The following NSG1 variants were observed in gnomAD, a reference collection of about 807,000 sequenced individuals.
NSG1 encodes the protein neuronal vesicle trafficking-associated protein 1.
NSG1 carries 9 observed loss-of-function variants against 19.3 expected under a neutral mutation model. That is an observed-to-expected ratio of 0.47 (90% CI 0.28 to 0.81). NSG1 has a LOEUF of 0.81. Among genes scored for constraint, NSG1 ranks in the 40% least tolerant of loss-of-function variants. NSG1 has a pLI of 0.11. For synonymous variants in NSG1, 104 were observed against 107.0 expected, an observed-to-expected ratio of 0.97 and a Z score of 0.17; for missense variants, 236 against 242.4, an observed-to-expected ratio of 0.97 and a Z score of 0.18.
At position 4,418,876 on chromosome 4, in the gene NSG1, C is replaced by T. The variant is rs761604706; in HGVS notation, c.*1441C>T. The stretch of plus-strand genomic sequence containing the variant: ...TGGTGTTAAGCTGTGGAAAATGACT[C>T]AAGAGCAATAAATCAGTGCCAAAGC... On this transcript the variant is annotated 3_prime_UTR_variant, in exon 5 of 5. Coordinates refer to ENST00000621129, the MANE Select transcript of NSG1 (RefSeq NM_014392.5). 5.9e-5 allele frequency: 9 copies of T among 152,238 alleles called. No individual in the cohort carries two copies. Among genetic ancestry groups the T allele is most frequent in the Non-Finnish European group, 1.0e-4 (7 of 68,050 alleles). The allele number at this position is 152,238 out of a possible 1,614,324, so 9.4% of individuals were successfully genotyped here. A position where few individuals can be genotyped will look rare whatever the true frequency, so the allele number is the denominator to read the frequency against.
chr4:4,391,642 C>A lies in NSG1; in HGVS notation c.246+51C>A, dbSNP rs779785741. Reference sequence around the variant, plus strand: ...TGCTGCTTTTGCCCCCAGAAGGGGTCTGCTGAGCTGCATAGATGCCCTGCA... The same window carrying A: ...TGCTGCTTTTGCCCCCAGAAGGGGTATGCTGAGCTGCATAGATGCCCTGCA... On this transcript the variant is annotated intron_variant, in intron 3 of 4. Transcript: ENST00000621129. 3 of 1,249,282 alleles carry A rather than the reference C, an allele frequency of 2.4e-6. No homozygotes were observed. In the Admixed American group the frequency reaches 6.3e-5, roughly 26 times the overall value. 77.4% of individuals were successfully genotyped at this position (1,249,282 alleles called of 1,614,324 possible). A position where few individuals can be genotyped will look rare whatever the true frequency, so the allele number is the denominator to read the frequency against.
In NSG1 at chr4:4,387,722, C is replaced by T. The variant is rs900734199; in HGVS notation, c.93C>T (p.Leu31=). The T allele has an allele frequency of 1.2e-6, 2 of 1,612,696 alleles. No individual in the cohort carries two copies. Among genetic ancestry groups the T allele is most frequent in the Admixed American group, 1.7e-5 (1 of 60,012 alleles). Residue 31 remains leucine (L), a synonymous_variant, in exon 2 of 5, where the codon CTC becomes CTT. Coordinates refer to ENST00000621129, the MANE Select transcript of NSG1 (RefSeq NM_014392.5). ...GFDTIPLMTP[L]DVNQLQFPPP... ...ACACCATTCCCCTGATGACGCCCCT[C>T]GATGTCAATCAGCTGCAGTTCCCGC...
chr4:4,417,945 C>T lies in NSG1; in HGVS notation c.*510C>T, dbSNP rs753703859. On this transcript the variant is annotated 3_prime_UTR_variant, in exon 5 of 5. Transcript: ENST00000621129. ...TGTAGTAAGTAAGTGGCATAGAGAA[C>T]GAGGAAAAAGACCCCCCCACCCCTC... 6.5e-5 allele frequency: 11 copies of T among 167,956 alleles called. No homozygotes were observed. Among genetic ancestry groups the T allele is most frequent in the African/African-American group, 1.4e-4 (6 of 41,656 alleles). 10.4% of individuals were successfully genotyped at this position (167,956 alleles called of 1,614,324 possible).
intron 3 of NSG1, among the ~76,000 whole-genome samples, chr4:4,407,911 G>A (rs1034192967): frequency 7.2e-5 from 11 of 152,134 alleles, no homozygotes; most frequent in African/African-American, 2.4e-4. Flanking sequence ...GCTTGCAGGG[G>A]GTGCATAGGG....
intron 3 of NSG1, among the ~76,000 whole-genome samples, chr4:4,394,563 C>T (rs188734679): frequency 1.3e-5 from 2 of 152,084 alleles, no homozygotes; most frequent in African/African-American, 2.4e-5. Context: ...ACTGGTGACC[C>T]GAGGAGGGGA....
At chr4:4,415,344 C>T (rs1724464434) in intron 4 of NSG1, among the ~76,000 whole-genome samples, 1 of 152,130 alleles carries the variant, frequency 6.6e-6, no homozygotes, top group Non-Finnish European at 1.5e-5. Context: ...GAATGAGGCC[C>T]AGAGAAGTTG....
intron 2 of NSG1, among the ~76,000 whole-genome samples, chr4:4,389,691 G>A (rs1421772649): frequency 6.6e-6 from 1 of 152,122 alleles, no homozygotes; most frequent in Non-Finnish European, 1.5e-5. Flanking sequence ...TGTTTCAGGT[G>A]ACATGGCTTC....
intron 4 of NSG1, among the ~76,000 whole-genome samples, chr4:4,416,483 G>A (rs552440417): frequency 4.6e-5 from 7 of 152,152 alleles, no homozygotes; most frequent in Non-Finnish European, 8.8e-5. Flanking sequence ...CCTTAAGCCC[G>A]TGGAGGTGAG....
In NSG1 at chr4:4,395,281, G is replaced by T. The variant is rs144651888; in HGVS notation, c.246+3690G>T. On this transcript the variant is annotated intron_variant, in intron 3 of 4. Coordinates refer to ENST00000621129, the MANE Select transcript of NSG1 (RefSeq NM_014392.5). Reference sequence around the variant, plus strand: ...TTGATTTTAACTTGGACCCTGAACCGCAGGGAGATGCGTTTTGACAAATGC... The same window carrying T: ...TTGATTTTAACTTGGACCCTGAACCTCAGGGAGATGCGTTTTGACAAATGC... 1.3e-3 allele frequency among the ~76,000 whole-genome samples: 191 copies of T among 152,320 alleles called. 3 individuals are homozygous for T. In the East Asian group the frequency reaches 0.034, roughly 27 times the overall value.
intron 3 of NSG1, among the ~76,000 whole-genome samples, chr4:4,400,265 A>G (rs2108737147): frequency 6.6e-6 from 1 of 152,246 alleles, no homozygotes; most frequent in South Asian, 2.1e-4. Flanking sequence ...AAATCAGTTG[A>G]CCATGGACTC....
chr4:4,387,713 G>T lies in NSG1; in HGVS notation c.84G>T (p.Met28Ile), dbSNP rs758577131. ...LEDGFDTIPL[M>I]TPLDVNQLQF... is the part of the protein sequence containing the mutation. ...ATGGCTTCGACACCATTCCCCTGAT[G>T]ACGCCCCTCGATGTCAATCAGCTGC... The change falls in exon 2 of 5, where the codon ATG becomes ATT. Residue 28 changes from methionine (M) to isoleucine (I), a missense_variant. Met to Ile is a conservative substitution (Grantham distance 10). Transcript: ENST00000621129. The T allele has an allele frequency of 3.7e-6, 6 of 1,613,472 alleles. No individual in the cohort carries two copies. Among genetic ancestry groups the T allele is most frequent in the Non-Finnish European group, 5.1e-6 (6 of 1,179,494 alleles).
intron 4 of NSG1, among the ~76,000 whole-genome samples, chr4:4,413,647 G>A (rs894010977): frequency 1.2e-4 from 18 of 151,702 alleles, no homozygotes; most frequent in Non-Finnish European, 1.6e-4. Flanking sequence ...GGCACAGGGA[G>A]GCGGCAGAGG....
chr4:4,389,074 C>T (rs986497294), intron 2 of NSG1, among the ~76,000 whole-genome samples: 2 of 152,248 alleles, frequency 1.3e-5, no homozygotes, highest in African/African-American at 4.8e-5. Flanking sequence ...CTGCCTGGGC[C>T]CCCAGCTGCT....
At chr4:4,391,120 G>A (rs1560138698) in intron 2 of NSG1, among the ~76,000 whole-genome samples, 2 of 152,198 alleles carry the variant, frequency 1.3e-5, no homozygotes, top group Admixed American at 6.5e-5. Flanking sequence ...CAGCTTCCTG[G>A]GCCAAGCCAG....
rs1722803440 is a variant in NSG1 at position 4,387,714 on chromosome 4, ACGCCCCTCGATGT to A, written c.87_99del (p.Pro30IlefsTer13). On this transcript the variant is annotated frameshift_variant, in exon 2 of 5. Coordinates refer to ENST00000621129, the MANE Select transcript of NSG1 (RefSeq NM_014392.5). LOFTEE classifies it high-confidence loss of function. Reference sequence around the variant, plus strand: ...TGGCTTCGACACCATTCCCCTGATGACGCCCCTCGATGTCAATCAGCTGCAGTTCCCGCCCCCG... The same window carrying A: ...TGGCTTCGACACCATTCCCCTGATGACAATCAGCTGCAGTTCCCGCCCCCG... 2 of 1,613,096 alleles carry A rather than the reference ACGCCCCTCGATGT, an allele frequency of 1.2e-6. No individual in the cohort carries two copies. Among genetic ancestry groups the A allele is most frequent in the Non-Finnish European group, 1.7e-6 (2 of 1,179,322 alleles).
At position 4,418,564 on chromosome 4, in the gene NSG1, T is replaced by TAG. The variant is rs1553821099; in HGVS notation, c.*1130_*1131insGA. 9 of 152,690 alleles carry TAG rather than the reference T, an allele frequency of 5.9e-5. 1 individual carries two copies. In the South Asian group the frequency reaches 1.9e-3, roughly 32 times the overall value. The allele number at this position is 152,690 out of a possible 1,614,324, so 9.5% of individuals were successfully genotyped here. A position where few individuals can be genotyped will look rare whatever the true frequency, so the allele number is the denominator to read the frequency against. On this transcript the variant is annotated 3_prime_UTR_variant, in exon 5 of 5. Transcript: ENST00000621129. Reference sequence around the variant, plus strand: ...TTACAAAACTGCCAGTTAGATGAACTAAGTGTGTAAAACAAATAGAAAAGA... The same window carrying TAG: ...TTACAAAACTGCCAGTTAGATGAACTAGAAGTGTGTAAAACAAATAGAAAAGA...
chr4:4,417,123 C>G, intron 4 of NSG1, 112 bp from the exon 5 acceptor site: 1 of 866,294 alleles, frequency 1.2e-6, no homozygotes, highest in African/African-American at 1.6e-5. Flanking sequence ...ATCACTGTAT[C>G]TATTCCTCCA....
At chr4:4,391,236 A>T (rs1468667495) in intron 2 of NSG1, among the ~76,000 whole-genome samples, 1 of 152,188 alleles carries the variant, frequency 6.6e-6, no homozygotes, top group Admixed American at 6.5e-5. Flanking sequence ...AATGAGCTTA[A>T]CTTCTGTGCC....
intron 2 of NSG1, 61 bp downstream of exon 2, chr4:4,387,819 G>T (rs968822919): frequency 4.1e-6 from 6 of 1,454,014 alleles, no homozygotes; most frequent in Non-Finnish European, 5.7e-6. Context: ...CGCACGGCGG[G>T]CGCAACAAAA....
Sources: allele counts gnomAD v4.1 joint callset (sites outside exome capture counted in the v4.1 genomes callset), GRCh38; gene constraint gnomAD v4.1.1; transcripts MANE v1.5; gene names NCBI Gene and HGNC (gene_info 2026-07-23, HGNC 2026-07-21).